Variants in ERBB4 observed in about 807,000 individuals in gnomAD.
The protein encoded by ERBB4 is receptor tyrosine-protein kinase erbB-4.
In ERBB4, 42 loss-of-function variants were observed where a neutral mutation model predicts 158.0. That is an observed-to-expected ratio of 0.27 (90% confidence interval 0.21 to 0.34). The LOEUF is 0.34. ERBB4 is among the 10% of genes least tolerant of loss of function. The probability of loss-of-function intolerance (pLI) is 1.00; values close to 1 mark genes in which losing one functional copy is unlikely to be tolerated. For missense variants in ERBB4, 1,333 were observed against 1,624.1 expected, an observed-to-expected ratio of 0.82 and a Z score of 3.08; for synonymous variants, 583 against 558.7, an observed-to-expected ratio of 1.04 and a Z score of -0.61.
chr2:212,502,093 C>A (rs997649771), intron 1 of ERBB4, among the ~76,000 whole-genome samples: 1 of 151,972 alleles, frequency 6.6e-6, no homozygotes, highest in African/African-American at 2.4e-5. Flanking sequence ...TAAGTAAATT[C>A]TCATGGATTG....
At chr2:211,710,321 T>C (rs2073646319) in intron 9 of ERBB4, among the ~76,000 whole-genome samples, 1 of 152,194 alleles carries the variant, frequency 6.6e-6, no homozygotes, top group Admixed American at 6.5e-5. Flanking sequence ...TATCTTCTTA[T>C]TTCTCAGAAG....
chr2:212,011,887 G>C (rs2076397220), intron 2 of ERBB4, among the ~76,000 whole-genome samples: 1 of 152,050 alleles, frequency 6.6e-6, no homozygotes, highest in Non-Finnish European at 1.5e-5. Flanking sequence ...CTTCATTAGG[G>C]GTTGCAAAGT....
intron 19 of ERBB4, among the ~76,000 whole-genome samples, chr2:211,567,949 C>A (rs1202828646): frequency 6.6e-6 from 1 of 152,002 alleles, no homozygotes; most frequent in Non-Finnish European, 1.5e-5. Flanking sequence ...CAATAAATTA[C>A]TCTGTGTTAA....
intron 1 of ERBB4, among the ~76,000 whole-genome samples, chr2:212,323,710 T>C (rs965012345): frequency 6.6e-6 from 1 of 150,756 alleles, no homozygotes; most frequent in South Asian, 2.1e-4. Flanking sequence ...TTATGATTAT[T>C]GTCAGTTATA....
At chr2:211,741,121 C>A (rs1430459371) in intron 5 of ERBB4, among the ~76,000 whole-genome samples, 1 of 152,062 alleles carries the variant, frequency 6.6e-6, no homozygotes. Context: ...CTGTCCTATT[C>A]ATCAGAAGCA....
At chr2:211,408,172 CTA>C (rs2063183615) in intron 25 of ERBB4, among the ~76,000 whole-genome samples, 1 of 152,144 alleles carries the variant, frequency 6.6e-6, no homozygotes, top group Non-Finnish European at 1.5e-5. Flanking sequence ...TGTGCCACTT[CTA>C]TTATATAAAG....
At chr2:211,993,117 A>G (rs1266762189) in intron 2 of ERBB4, among the ~76,000 whole-genome samples, 2 of 152,194 alleles carry the variant, frequency 1.3e-5, no homozygotes, top group African/African-American at 4.8e-5. Flanking sequence ...AGAATCTTAT[A>G]TTGGAACCAG....
At chr2:212,248,089 G>T (rs1480857679) in intron 1 of ERBB4, among the ~76,000 whole-genome samples, 2 of 152,066 alleles carry the variant, frequency 1.3e-5, no homozygotes, top group South Asian at 2.1e-4. Context: ...ATACACTTCT[G>T]CATGGCTTGA....
At chr2:211,787,949 A>C in intron 4 of ERBB4, 76 bp downstream of exon 4, 1 of 1,408,516 alleles carries the variant, frequency 7.1e-7, no homozygotes, top group South Asian at 1.2e-5. Flanking sequence ...ATTAGTAATG[A>C]CATAATAAGC....
At chr2:212,014,918 C>A (rs1037287661) in intron 2 of ERBB4, among the ~76,000 whole-genome samples, 1 of 150,138 alleles carries the variant, frequency 6.7e-6, no homozygotes, top group East Asian at 2.0e-4. Context: ...TTCAGCCAGG[C>A]GCAGTGGCTC....
intron 3 of ERBB4, among the ~76,000 whole-genome samples, chr2:211,944,193 A>AT (rs2080604570): frequency 1.5e-5 from 1 of 64,558 alleles, no homozygotes; most frequent in Non-Finnish European, 3.0e-5. Flanking sequence ...ATATATATAT[A>AT]TATATACTAT....
chr2:211,384,497 G>T (rs904400292), intron 27 of ERBB4, among the ~76,000 whole-genome samples: 3 of 152,102 alleles, frequency 2.0e-5, no homozygotes, highest in African/African-American at 7.2e-5. Context: ...TGAGTTCCAT[G>T]CCAAGATGAA....
intron 5 of ERBB4, among the ~76,000 whole-genome samples, chr2:211,732,128 A>T (rs1484427942): frequency 6.6e-6 from 1 of 152,168 alleles, no homozygotes; most frequent in Non-Finnish European, 1.5e-5. Context: ...CATAGATGGA[A>T]AGGCAGAGTC....
chr2:212,520,902 A>T (rs1692124384), intron 1 of ERBB4, among the ~76,000 whole-genome samples: 1 of 146,772 alleles, frequency 6.8e-6, no homozygotes, highest in African/African-American at 2.6e-5. Flanking sequence ...GAAGTTTATG[A>T]TGTCATGCAT....
At chr2:212,301,371 A>G (rs188401637) in intron 1 of ERBB4, among the ~76,000 whole-genome samples, 2 of 151,544 alleles carry the variant, frequency 1.3e-5, no homozygotes, top group African/African-American at 4.8e-5. Context: ...TAACCTGAAA[A>G]TTTTAAATAG....
At chr2:211,605,368 G>A (rs1305129991) in intron 19 of ERBB4, among the ~76,000 whole-genome samples, 1 of 152,144 alleles carries the variant, frequency 6.6e-6, no homozygotes, top group African/African-American at 2.4e-5. Flanking sequence ...GCTTGGAGAT[G>A]AGGGTCTCTT....
chr2:211,916,211 G>T (rs182128239), intron 3 of ERBB4, among the ~76,000 whole-genome samples: 1 of 151,738 alleles, frequency 6.6e-6, no homozygotes, highest in Non-Finnish European at 1.5e-5. Flanking sequence ...ACAGAGTCTC[G>T]CTCTGTCACC....
At chr2:212,318,518 A>G (rs1020295422) in intron 1 of ERBB4, among the ~76,000 whole-genome samples, 4 of 125,360 alleles carry the variant, frequency 3.2e-5, no homozygotes, top group African/African-American at 1.0e-4. Flanking sequence ...TCTCTATAGA[A>G]AGAGAGAGAA....
chr2:212,382,635 T>C (rs1252976076), intron 1 of ERBB4, among the ~76,000 whole-genome samples: 1 of 151,142 alleles, frequency 6.6e-6, no homozygotes, highest in Admixed American at 6.6e-5. Flanking sequence ...TAAAGAACTC[T>C]ACATTGTAAC....
Sources: allele counts gnomAD v4.1 joint callset (sites outside exome capture counted in the v4.1 genomes callset), GRCh38; gene constraint gnomAD v4.1.1; transcripts MANE v1.5; gene names NCBI Gene and HGNC (gene_info 2026-07-23, HGNC 2026-07-21).